GPC1: variants seen among roughly 807,000 people sequenced by gnomAD.
GPC1 encodes glypican-1.
Under a neutral mutation model 51.5 loss-of-function variants are expected in GPC1, and 26 were observed. The ratio of observed to expected loss-of-function variants is 0.50; its 90% CI spans 0.37 to 0.70. The LOEUF is 0.70. GPC1 is among the 30% of genes least tolerant of loss of function. The pLI, the probability that GPC1 is intolerant of heterozygous loss-of-function variation, is 0.00. For synonymous variants in GPC1, 380 were observed against 348.3 expected, an observed-to-expected ratio of 1.09 and a Z score of -1.01; for missense variants, 775 against 800.5, an observed-to-expected ratio of 0.97 and a Z score of 0.38.
chr2:240,456,758 C>T, intron 1 of GPC1: 1 of 390,312 alleles, frequency 2.6e-6, no homozygotes, highest in Non-Finnish European at 5.5e-6. Context: ...TGCTCTAAAT[C>T]CTGCCCCCAC....
At chr2:240,463,278 G>A (rs570879891) in intron 3 of GPC1, 69 bp from the exon 4 acceptor site, 39 of 1,436,644 alleles carry the variant, frequency 2.7e-5, no homozygotes, top group East Asian at 1.4e-4. Context: ...CTGGGGCTTC[G>A]TTAGGGGCTG....
intron 1 of GPC1, among the ~76,000 whole-genome samples, chr2:240,443,803 G>A (rs566968359): frequency 4.8e-4 from 73 of 152,302 alleles, no homozygotes; most frequent in Non-Finnish European, 8.1e-4. Flanking sequence ...TCCCAGAGTC[G>A]GCAGCACCAG....
At chr2:240,464,540 G>A (rs12695020) in intron 4 of GPC1, 76 bp from the exon 5 acceptor site, 51 of 283,632 alleles carry the variant, frequency 1.8e-4, no homozygotes, top group Non-Finnish European at 2.5e-4. Context: ...CACACGTGGT[G>A]ACGCCTGCGT....
At chr2:240,458,623 G>T in intron 1 of GPC1, 1 of 185,116 alleles carries the variant, frequency 5.4e-6, no homozygotes, top group Admixed American at 5.5e-5. Flanking sequence ...GAGGGGGATT[G>T]GATTCCTTCC....
intron 1 of GPC1, among the ~76,000 whole-genome samples, chr2:240,439,089 C>CTGATG (rs969798742): frequency 4.6e-5 from 7 of 152,212 alleles, no homozygotes; most frequent in South Asian, 2.1e-4. Flanking sequence ...CTCCTGATGT[C>CTGATG]TGATGTGATG....
chr2:240,462,634 T>G (rs957175608), intron 3 of GPC1, 52 bp downstream of exon 3: 11 of 1,457,632 alleles, frequency 7.5e-6, no homozygotes, highest in Non-Finnish European at 1.0e-5. Flanking sequence ...CCCCATGCTC[T>G]GCCCAAGGGA....
In GPC1 at chr2:240,466,142, C is replaced by T; in HGVS notation, c.1529C>T (p.Ser510Phe). 1 of 1,612,850 alleles carries T rather than the reference C, an allele frequency of 6.2e-7. No homozygotes were observed. Among genetic ancestry groups the T allele is most frequent in the Non-Finnish European group, 8.5e-7 (1 of 1,179,670 alleles). The change falls in exon 9 of 9, where the codon TCC (serine) becomes TTC (phenylalanine). Residue 510 changes from serine (S) to phenylalanine (F), a missense_variant. Physicochemically the swap from Ser to Phe is radical, Grantham distance 155. Coordinates refer to ENST00000264039, the MANE Select transcript of GPC1 (RefSeq NM_002081.3). ...AAGGTCAGCAGGAAGAGCTCCAGCT[C>T]CCGGACGCCCTTGACCCATGCCCTC... ...SRKVSRKSSSSRTPLTHALPG... is the reference protein window; with the variant it reads ...SRKVSRKSSSFRTPLTHALPG...
At chr2:240,454,065 G>T (rs1250764646) in intron 1 of GPC1, among the ~76,000 whole-genome samples, 1 of 116,100 alleles carries the variant, frequency 8.6e-6, no homozygotes. Context: ...AATGGTGGCG[G>T]GGGGGCTTCG....
chr2:240,450,339 C>T, intron 1 of GPC1: 1 of 339,152 alleles, frequency 2.9e-6, no homozygotes, highest in Non-Finnish European at 5.8e-6. Context: ...GCCTGCAGCT[C>T]AGGAATTCCC....
Position 240,466,176 on chromosome 2 carries a change from G to C in GPC1, c.1563G>C (p.Leu521=), listed in dbSNP as rs2074260222. The stretch of plus-strand genomic sequence containing the variant: ...CCTTGACCCATGCCCTCCCAGGCCT[G>C]TCAGAGCAGGAAGGACAGAAGACCT... ...RTPLTHALPG[L]SEQEGQKTSA... is the part of the protein sequence containing the mutation. Residue 521 remains leucine (L), a synonymous_variant, in exon 9 of 9, where the codon CTG becomes CTC. Coordinates refer to ENST00000264039, the MANE Select transcript of GPC1 (RefSeq NM_002081.3). 2.5e-6 allele frequency: 4 copies of C among 1,613,076 alleles called. No homozygotes were observed. Among genetic ancestry groups the C allele is most frequent in the African/African-American group, 2.7e-5 (2 of 75,018 alleles).
chr2:240,466,006 C>A, intron 8 of GPC1, 52 bp from the exon 9 acceptor site: 1 of 1,155,258 alleles, frequency 8.7e-7, no homozygotes, highest in Non-Finnish European at 1.3e-6. Context: ...GGTGGTGCTG[C>A]ACTGGGGTCT....
intron 1 of GPC1, among the ~76,000 whole-genome samples, chr2:240,437,457 C>G (rs925182851): frequency 1.3e-5 from 2 of 152,148 alleles, no homozygotes; most frequent in Non-Finnish European, 1.5e-5. Context: ...GCCCTCCCCA[C>G]CAGCCTGAGG....
At position 240,448,044 on chromosome 2, in the gene GPC1, C is replaced by T. The variant is rs2074063580; in HGVS notation, c.167-10986C>T. Among the ~76,000 whole-genome samples the T allele has an allele frequency of 2.0e-5, 3 of 152,298 alleles. No individual in the cohort carries two copies. The highest frequency in any genetic ancestry group is 1.9e-4 in the East Asian group (1 of 5,186). On this transcript the variant is annotated intron_variant, in intron 1 of 8. Coordinates refer to ENST00000264039, the MANE Select transcript of GPC1 (RefSeq NM_002081.3). This position sits in a 1 kb window ranked among gnomAD's most constrained non-coding sequence, Gnocchi z 4.5. ...CCATTCTGGGTGGAACACAGTGTCCCCAGGGCACAGTGACAGTGGAACGGC... is the reference window on the plus strand; with the variant it reads ...CCATTCTGGGTGGAACACAGTGTCCTCAGGGCACAGTGACAGTGGAACGGC...
intron 1 of GPC1, among the ~76,000 whole-genome samples, chr2:240,436,762 C>T (rs967911099): frequency 6.6e-6 from 1 of 152,238 alleles, no homozygotes; most frequent in Non-Finnish European, 1.5e-5. Context: ...TACGCGCCGG[C>T]CCCCGCCTGG....
chr2:240,462,337 C>A lies in GPC1; in HGVS notation c.472C>A (p.His158Asn). ...LRLYYRGANL[H>N]LEETLAEFWA... Reference sequence around the variant, plus strand: ...CCTGTACTACCGCGGTGCCAACCTGCACCTGGAGGAGACGCTGGCCGAGTT... The same window carrying A: ...CCTGTACTACCGCGGTGCCAACCTGAACCTGGAGGAGACGCTGGCCGAGTT... Residue 158 changes from histidine to asparagine, a missense_variant, in exon 3 of 9, where the codon CAC (histidine) becomes AAC (asparagine). By Grantham distance (68) the His-to-Asn change is moderately conservative. Coordinates refer to ENST00000264039, the MANE Select transcript of GPC1 (RefSeq NM_002081.3). 1 of 1,602,870 alleles carries A rather than the reference C, an allele frequency of 6.2e-7. No homozygotes were observed. The highest frequency in any genetic ancestry group is 8.5e-7 in the Non-Finnish European group (1 of 1,175,452).
At chr2:240,461,799 G>A (rs2074218184) in intron 2 of GPC1, among the ~76,000 whole-genome samples, 1 of 152,056 alleles carries the variant, frequency 6.6e-6, no homozygotes, top group African/African-American at 2.4e-5. Flanking sequence ...GCTGGCAGGG[G>A]GGCACAGACC....
intron 1 of GPC1, among the ~76,000 whole-genome samples, chr2:240,441,734 G>A (rs1013586270): frequency 6.6e-6 from 1 of 152,320 alleles, no homozygotes; most frequent in East Asian, 1.9e-4. Flanking sequence ...GCCCTGAGCC[G>A]CTTGAAGTCT....
chr2:240,442,290 G>A (rs967439421), intron 1 of GPC1: 4 of 152,334 alleles, frequency 2.6e-5, no homozygotes, highest in Non-Finnish European at 5.9e-5. Context: ...AGTCCCTCCC[G>A]GTACCGGGTG....
chr2:240,445,255 G>A (rs1324421019), intron 1 of GPC1, among the ~76,000 whole-genome samples: 1 of 152,162 alleles, frequency 6.6e-6, no homozygotes, highest in African/African-American at 2.4e-5. Flanking sequence ...TTGGGGTGAG[G>A]GGTGGCTGCA....
Sources: allele counts gnomAD v4.1 joint callset (sites outside exome capture counted in the v4.1 genomes callset), GRCh38; gene constraint gnomAD v4.1.1; non-coding constraint Gnocchi (gnomAD v3.1); transcripts MANE v1.5; gene names NCBI Gene and HGNC (gene_info 2026-07-23, HGNC 2026-07-21).